The following TNFRSF11A variants were observed in gnomAD, a reference collection of about 807,000 sequenced individuals.
TNFRSF11A encodes tumor necrosis factor receptor superfamily member 11A.
In TNFRSF11A, 32 loss-of-function variants were observed where a neutral mutation model predicts 55.7. That is an observed-to-expected ratio of 0.57 (90% CI 0.43 to 0.77). The LOEUF is 0.77. Among genes scored for constraint, TNFRSF11A ranks in the 30% least tolerant of loss-of-function variants. The pLI is 0.00. For synonymous variants in TNFRSF11A, 311 were observed against 331.0 expected, an observed-to-expected ratio of 0.94 and a Z score of 0.65; for missense variants, 753 against 809.8, an observed-to-expected ratio of 0.93 and a Z score of 0.85.
At chr18:62,376,217 A>G (rs980691075) in intron 9 of TNFRSF11A, among the ~76,000 whole-genome samples, 4 of 147,650 alleles carry the variant, frequency 2.7e-5, no homozygotes, top group African/African-American at 1.0e-4. Context: ...GGATGTTACT[A>G]TTTTCACTAT....
At chr18:62,354,308 G>A (rs1282702770) in intron 3 of TNFRSF11A, 83 bp from the exon 4 acceptor site, 119 of 1,452,332 alleles carry the variant, frequency 8.2e-5, no homozygotes, top group Non-Finnish European at 1.1e-4. Flanking sequence ...CTCTGGGCTG[G>A]ATGTTGGATA....
rs1028098289 is a variant in TNFRSF11A at position 62,372,067 on chromosome 18, G to A, written c.1567+2583G>A. On this transcript the variant is annotated intron_variant, in intron 9 of 9. Transcript: ENST00000586569. ...TCTCCTGTCCCAGCATCTTTGTGAG[G>A]AGAATGATTATTTTTCAGACAGCTC... 7.9e-5 allele frequency among the ~76,000 whole-genome samples: 12 copies of A among 152,284 alleles called. No homozygotes were observed. In the East Asian group the frequency reaches 2.3e-3, roughly 29 times the overall value.
At chr18:62,371,336 G>A (rs1461587348) in intron 9 of TNFRSF11A, among the ~76,000 whole-genome samples, 1 of 152,146 alleles carries the variant, frequency 6.6e-6, no homozygotes, top group African/African-American at 2.4e-5. Flanking sequence ...GCAGTTCTTG[G>A]AAGAACAGTG....
chr18:62,378,589 C>T (rs1027745825), intron 9 of TNFRSF11A, among the ~76,000 whole-genome samples: 2 of 152,242 alleles, frequency 1.3e-5, no homozygotes, highest in African/African-American at 2.4e-5. Context: ...GCCACCATTG[C>T]ACCTGTGACT....
chr18:62,328,671 T>A (rs914695143), intron 1 of TNFRSF11A, among the ~76,000 whole-genome samples: 1 of 152,210 alleles, frequency 6.6e-6, no homozygotes, highest in Non-Finnish European at 1.5e-5. Context: ...GTGGGTGCTC[T>A]GTGCCACCTT....
intron 7 of TNFRSF11A, among the ~76,000 whole-genome samples, chr18:62,364,645 A>G (rs985826347): frequency 1.3e-5 from 2 of 152,182 alleles, no homozygotes; most frequent in Admixed American, 1.3e-4. Flanking sequence ...GGTGGGGGGT[A>G]GGGAGGGCGT....
At position 62,383,349 on chromosome 18, in the gene TNFRSF11A, C is replaced by T. The variant is rs144303810; in HGVS notation, c.1568-1402C>T. On this transcript the variant is annotated intron_variant, in intron 9 of 9. Coordinates refer to ENST00000586569, the MANE Select transcript of TNFRSF11A (RefSeq NM_003839.4). This position sits in a 1 kb window ranked among gnomAD's most constrained non-coding sequence, Gnocchi z 4.2. ...GCTCCTCAAAGGAATTTCCTACATG[C>T]GTATCGGTATTTTAGTCAGGCCATC... is the stretch of plus-strand genomic sequence containing the variant. 1.2e-4 allele frequency among the ~76,000 whole-genome samples: 18 copies of T among 152,248 alleles called. No homozygotes were observed. The East Asian group carries it at 2.7e-3, about 23-fold the overall frequency.
chr18:62,384,719 C>T, intron 9 of TNFRSF11A, 32 bp from the exon 10 acceptor site: 1 of 1,607,238 alleles, frequency 6.2e-7, no homozygotes, highest in South Asian at 1.1e-5. Context: ...GCTGACTCAC[C>T]CTCCCCGTGT....
In TNFRSF11A at chr18:62,359,698, G is replaced by C. The variant is rs6567269; in HGVS notation, c.522-257G>C. Among the ~76,000 whole-genome samples the C allele has an allele frequency of 0.49, 75,197 of 152,028 alleles. 18,778 individuals are homozygous for C. The highest frequency in any genetic ancestry group is 0.54 in the Middle Eastern group (160 of 294). On this transcript the variant is annotated intron_variant, in intron 5 of 9. Transcript: ENST00000586569. ...CACGGCCAGAATATTCTTTCCTGAA[G>C]ACTCTGCTCTGCTCCTTTGCTGACC...
chr18:62,366,029 G>T (rs1252897517), intron 7 of TNFRSF11A, among the ~76,000 whole-genome samples: 1 of 152,132 alleles, frequency 6.6e-6, no homozygotes. Context: ...TGTTGGCCAG[G>T]CTAGTCATGA....
chr18:62,371,618 C>T (rs796687483), intron 9 of TNFRSF11A, among the ~76,000 whole-genome samples: 9 of 152,298 alleles, frequency 5.9e-5, no homozygotes, highest in African/African-American at 2.2e-4. Context: ...AGAGAGTCTG[C>T]CCGTGGTCGA....
chr18:62,326,519 A>G (rs565177415), intron 1 of TNFRSF11A, among the ~76,000 whole-genome samples: 4 of 152,338 alleles, frequency 2.6e-5, no homozygotes, highest in East Asian at 3.9e-4. Context: ...TAAGTGTTCA[A>G]CAGGTTGAAC....
intron 1 of TNFRSF11A, among the ~76,000 whole-genome samples, chr18:62,341,903 T>G (rs986873197): frequency 1.5e-5 from 2 of 136,508 alleles, no homozygotes; most frequent in Admixed American, 8.4e-5. Context: ...TAAAGAAATA[T>G]CAGGCATTCT....
chr18:62,358,455 A>C, intron 5 of TNFRSF11A, 114 bp downstream of exon 5: 1 of 1,007,520 alleles, frequency 9.9e-7, no homozygotes, highest in Non-Finnish European at 1.6e-6. Context: ...TTCCTCTTGA[A>C]GCCACGTTCA....
chr18:62,357,146 A>G (rs1045954879), intron 4 of TNFRSF11A, among the ~76,000 whole-genome samples: 9 of 152,222 alleles, frequency 5.9e-5, no homozygotes, highest in Admixed American at 6.5e-5. Flanking sequence ...AGTATACTTC[A>G]TACTTGACTC....
At chr18:62,374,281 T>G (rs1910747984) in intron 9 of TNFRSF11A, 1 of 152,222 alleles carries the variant, frequency 6.6e-6, no homozygotes, top group Admixed American at 6.5e-5. Context: ...TCTGTAAGAC[T>G]TTCTAAGTAA....
At chr18:62,340,189 A>G (rs2046291777) in intron 1 of TNFRSF11A, among the ~76,000 whole-genome samples, 1 of 151,862 alleles carries the variant, frequency 6.6e-6, no homozygotes, top group Non-Finnish European at 1.5e-5. Context: ...GAGACTCTGT[A>G]TCAGAAAAGA....
intron 1 of TNFRSF11A, among the ~76,000 whole-genome samples, chr18:62,346,702 C>A (rs548689740): frequency 6.6e-6 from 1 of 152,230 alleles, no homozygotes; most frequent in Admixed American, 6.5e-5. Context: ...GGCTGTGTGC[C>A]CCACACCCAC....
Position 62,325,484 on chromosome 18 carries a change from G to T in TNFRSF11A, c.75+57G>T. 9.0e-7 allele frequency: 1 copy of T among 1,109,776 alleles called. No individual in the cohort carries two copies. Among genetic ancestry groups the T allele is most frequent in the African/African-American group, 1.7e-5 (1 of 58,906 alleles). The allele number at this position is 1,109,776 out of a possible 1,614,324, so 68.7% of individuals were successfully genotyped here. ...GGCCCGACGCCTCCTCGGGAGCCCCGGGAAGGGCCGGGGCCGGCGGCATCC... is the reference window on the plus strand; with the variant it reads ...GGCCCGACGCCTCCTCGGGAGCCCCTGGAAGGGCCGGGGCCGGCGGCATCC... On this transcript the variant is annotated intron_variant, in intron 1 of 9. Coordinates refer to ENST00000586569, the MANE Select transcript of TNFRSF11A (RefSeq NM_003839.4). This position sits in a 1 kb window ranked among gnomAD's most constrained non-coding sequence, Gnocchi z 4.7.
Sources: gnomAD v4.1 joint callset for allele counts (sites outside exome capture counted in the v4.1 genomes callset) on GRCh38, gnomAD v4.1.1 for gene constraint, Gnocchi (gnomAD v3.1) non-coding constraint, MANE v1.5 for transcripts, NCBI Gene and HGNC (gene_info 2026-07-23, HGNC 2026-07-21) for gene names.